RBFOX1: variants seen among roughly 807,000 people sequenced by gnomAD.
The protein encoded by RBFOX1 is RNA binding protein fox-1 homolog 1.
In RBFOX1, 8 loss-of-function variants were observed where a neutral mutation model predicts 57.7. The ratio of observed to expected loss-of-function variants is 0.14; its 90% CI spans 0.08 to 0.25. RBFOX1 has a LOEUF of 0.25. Ranked by LOEUF, RBFOX1 falls within the 10% of genes least tolerant of loss-of-function variation. RBFOX1 has a pLI of 1.00. For synonymous variants in RBFOX1, 326 were observed against 222.4 expected (o/e 1.47, Z -4.15); for missense variants, 611 against 548.5 (o/e 1.11, Z -1.14).
rs951030439 is a variant in RBFOX1, at chr16:6,359,093, T to C, written c.-64+42036T>C. The stretch of plus-strand genomic sequence containing the variant: ...TTGAAAGGGTTTTTGTTTGTTTGTT[T>C]GTTTGTTTGTTTGTTTTGAGACGGA... On this transcript the variant is annotated intron_variant, in intron 2 of 15. Coordinates refer to ENST00000550418, the MANE Select transcript of RBFOX1 (RefSeq NM_018723.4). 4.9e-4 allele frequency among the ~76,000 whole-genome samples: 75 copies of C among 151,948 alleles called. 5 individuals are homozygous for C. Among genetic ancestry groups the C allele is most frequent in the Non-Finnish European group, 1.5e-5 (1 of 68,016 alleles).
chr16:6,943,432 G>A (rs1329219409), intron 3 of RBFOX1, among the ~76,000 whole-genome samples: 1 of 152,190 alleles, frequency 6.6e-6, no homozygotes, highest in Non-Finnish European at 1.5e-5. Flanking sequence ...CTGTGGGCCG[G>A]GCGTGGTGGC....
intron 3 of RBFOX1, among the ~76,000 whole-genome samples, chr16:6,873,087 A>G (rs572938087): frequency 2.0e-5 from 3 of 151,896 alleles, no homozygotes; most frequent in South Asian, 2.1e-4. Flanking sequence ...TGAAATATGT[A>G]CCTTGTATTT....
intron 3 of RBFOX1, among the ~76,000 whole-genome samples, chr16:6,861,827 T>TG (rs1446330797): frequency 6.7e-6 from 1 of 148,992 alleles, no homozygotes; most frequent in Non-Finnish European, 1.5e-5. Context: ...CCCTTGGTTT[T>TG]TTTTTTTTTT....
intron 4 of RBFOX1, among the ~76,000 whole-genome samples, chr16:7,356,590 G>C (rs1381899016): frequency 6.6e-6 from 1 of 152,216 alleles, no homozygotes; most frequent in Non-Finnish European, 1.5e-5. Flanking sequence ...GATTTTTATA[G>C]AGGTGCAGTA....
At chr16:6,098,385 C>A (rs1205367684) in intron 1 of RBFOX1, among the ~76,000 whole-genome samples, 1 of 152,210 alleles carries the variant, frequency 6.6e-6, no homozygotes, top group African/African-American at 2.4e-5. Flanking sequence ...GCCTGTTAAG[C>A]CTCTTCCTGT....
chr16:6,602,983 T>C (rs741168), intron 2 of RBFOX1, among the ~76,000 whole-genome samples: 22,869 of 152,144 alleles, frequency 0.15, 1,760 homozygotes, highest in Middle Eastern at 0.17. Flanking sequence ...CTTTTTCTAA[T>C]CATCAGTGCA....
In RBFOX1 at chr16:7,571,780, C is replaced by G. The variant is rs1015056365; in HGVS notation, c.271-7997C>G. Among the ~76,000 whole-genome samples the G allele has an allele frequency of 2.0e-5, 3 of 152,130 alleles. No individual in the cohort carries two copies. In the East Asian group the frequency reaches 5.8e-4, roughly 30 times the overall value. On this transcript the variant is annotated intron_variant, in intron 5 of 15. Coordinates refer to ENST00000550418, the MANE Select transcript of RBFOX1 (RefSeq NM_018723.4). ...TCCCATCTGTGTAGGGTCCTGCAGC[C>G]TTTCCTGTTTGATGGGGAGGCTGCG... is the stretch of plus-strand genomic sequence containing the variant.
At chr16:6,210,530 G>C (rs926262662) in intron 1 of RBFOX1, among the ~76,000 whole-genome samples, 1 of 151,922 alleles carries the variant, frequency 6.6e-6, no homozygotes, top group Non-Finnish European at 1.5e-5. Context: ...AGGAGTTTGA[G>C]ACCAGGCTGG....
At chr16:7,507,458 C>G (rs561730257) in intron 4 of RBFOX1, among the ~76,000 whole-genome samples, 4 of 152,118 alleles carry the variant, frequency 2.6e-5, no homozygotes, top group African/African-American at 9.6e-5. Flanking sequence ...TCAGAACTAT[C>G]TGGGGCAACT....
intron 3 of RBFOX1, among the ~76,000 whole-genome samples, chr16:5,634,272 G>C (rs1363431364): frequency 1.3e-5 from 2 of 152,218 alleles, no homozygotes; most frequent in Non-Finnish European, 2.9e-5. Context: ...AGCAACGGTA[G>C]TGCAATCATT....
chr16:6,973,673 T>C (rs2086110038), intron 3 of RBFOX1, among the ~76,000 whole-genome samples: 1 of 152,146 alleles, frequency 6.6e-6, no homozygotes, highest in African/African-American at 2.4e-5. Flanking sequence ...AATAAACCCA[T>C]TTGGGATTTT....
intron 4 of RBFOX1, among the ~76,000 whole-genome samples, chr16:5,984,430 C>T (rs2060241060): frequency 6.6e-6 from 1 of 151,658 alleles, no homozygotes; most frequent in Non-Finnish European, 1.5e-5. Context: ...AGGAACGCAT[C>T]AATTAATTTA....
At chr16:6,329,702 CG>C (rs1168294742) in intron 2 of RBFOX1, among the ~76,000 whole-genome samples, 1 of 152,128 alleles carries the variant, frequency 6.6e-6, no homozygotes, top group Non-Finnish European at 1.5e-5. Context: ...GAGGCCAAAA[CG>C]GGTGGATCAT....
intron 1 of RBFOX1, among the ~76,000 whole-genome samples, chr16:5,452,222 G>A (rs1011620486): frequency 1.4e-5 from 2 of 147,202 alleles, no homozygotes; most frequent in Non-Finnish European, 3.0e-5. Flanking sequence ...GGGTTCAAAC[G>A]ATCCTCCCAC....
intron 3 of RBFOX1, among the ~76,000 whole-genome samples, chr16:6,881,013 G>A (rs3963484): frequency 0.25 from 38,029 of 152,048 alleles, 5,876 homozygotes; most frequent in African/African-American, 0.44. Context: ...TGAAAAATAC[G>A]TGGCCCATAC....
chr16:7,469,435 G>A (rs1196383656), intron 4 of RBFOX1, among the ~76,000 whole-genome samples: 4 of 152,066 alleles, frequency 2.6e-5, no homozygotes, highest in African/African-American at 9.7e-5. Flanking sequence ...TGCCTATGAG[G>A]TTTTGTCACT....
intron 14 of RBFOX1, among the ~76,000 whole-genome samples, chr16:7,690,313 C>A (rs2077041825): frequency 6.6e-6 from 1 of 152,128 alleles, no homozygotes; most frequent in Non-Finnish European, 1.5e-5. Flanking sequence ...AACGTTAGCA[C>A]ATTAGAATCA....
chr16:5,744,026 G>C (rs983773607), intron 3 of RBFOX1, among the ~76,000 whole-genome samples: 4 of 152,110 alleles, frequency 2.6e-5, no homozygotes, highest in Non-Finnish European at 5.9e-5. Context: ...AAGACTCCTG[G>C]AGAGCTCCTT....
intron 4 of RBFOX1, among the ~76,000 whole-genome samples, chr16:7,209,942 C>G (rs1353509492): frequency 6.6e-6 from 1 of 152,130 alleles, no homozygotes; most frequent in Non-Finnish European, 1.5e-5. Flanking sequence ...GGTAGGCAGG[C>G]AAAATGAAAG....
Sources: allele counts gnomAD v4.1 joint callset (sites outside exome capture counted in the v4.1 genomes callset), GRCh38; gene constraint gnomAD v4.1.1; transcripts MANE v1.5; gene names NCBI Gene and HGNC (gene_info 2026-07-23, HGNC 2026-07-21).